Variants in TNFRSF8 observed in about 807,000 individuals in gnomAD.
The protein encoded by TNFRSF8 is TNF receptor superfamily member 8.
TNFRSF8 carries 26 observed loss-of-function variants against 70.8 expected under a neutral mutation model. The ratio of observed to expected loss-of-function variants is 0.37; its 90% confidence interval spans 0.27 to 0.51. TNFRSF8 has a LOEUF of 0.51. Among genes scored for constraint, TNFRSF8 ranks in the 20% least tolerant of loss-of-function variants. The pLI is 0.94. For synonymous variants in TNFRSF8, 356 were observed against 339.2 expected, an observed-to-expected ratio of 1.05 and a Z score of -0.54; for missense variants, 720 against 807.9, an observed-to-expected ratio of 0.89 and a Z score of 1.32.
Position 12,142,642 on chromosome 1 carries a change from C to A in TNFRSF8, c.*111C>A. 7.2e-7 allele frequency: 1 copy of A among 1,387,580 alleles called. No individual in the cohort carries two copies. The highest frequency in any genetic ancestry group is 1.4e-5 in the South Asian group (1 of 69,824). 86.0% of individuals were successfully genotyped at this position (1,387,580 alleles called of 1,614,324 possible). A position where few individuals can be genotyped will look rare whatever the true frequency, so the allele number is the denominator to read the frequency against. ...GAGGCCCATCTGGCCTGAACTGAGG[C>A]TCCAGCATCTAGTGGTGGACCGGCC... On this transcript the variant is annotated 3_prime_UTR_variant, in exon 15 of 15. Coordinates refer to ENST00000263932, the MANE Select transcript of TNFRSF8 (RefSeq NM_001243.5). The surrounding 1 kb of genome is among the most constrained non-coding windows in gnomAD (Gnocchi z 5.0).
rs553809348 is a variant in TNFRSF8 at position 12,109,383 on chromosome 1, C to T, written c.422-183C>T. ...TGAGATCAGAGGGAGAGTAATTCCC[C>T]AGGGAAAGATAGGCTGCTTTACTCT... On this transcript the variant is annotated intron_variant, in intron 4 of 14. Transcript: ENST00000263932. The surrounding 1 kb of genome is among the most constrained non-coding windows in gnomAD (Gnocchi z 4.4). Among the ~76,000 whole-genome samples, 8 of 152,272 alleles carry T rather than the reference C, an allele frequency of 5.3e-5. No homozygotes were observed. The East Asian group carries it at 1.5e-3, about 29-fold the overall frequency.
rs113246048 is a variant in TNFRSF8 at position 12,108,269 on chromosome 1, G to T, written c.422-1297G>T. ...AATTTTTTGTAATTTTAGTAGAGAT[G>T]GGGTTTCACTATGTTGTCCAGGCTG... On this transcript the variant is annotated intron_variant, in intron 4 of 14. Transcript: ENST00000263932. This position sits in a 1 kb window ranked among gnomAD's most constrained non-coding sequence, Gnocchi z 4.0. Among the ~76,000 whole-genome samples, 11,933 of 151,516 alleles carry T rather than the reference G, an allele frequency of 0.079. 488 individuals carry two copies. Among genetic ancestry groups the T allele is most frequent in the African/African-American group, 0.089 (3,675 of 41,310 alleles).
rs1408477830 is a variant in TNFRSF8 at position 12,113,615 on chromosome 1, CAGAA to C, written c.793+1605_793+1608del. On this transcript the variant is annotated intron_variant, in intron 7 of 14. Coordinates refer to ENST00000263932, the MANE Select transcript of TNFRSF8 (RefSeq NM_001243.5). This position sits in a 1 kb window ranked among gnomAD's most constrained non-coding sequence, Gnocchi z 4.9. ...AGGGAGAGAGAGAGTGAGAGAGAGACAGAAAGAGGGAGAGAGAGAGACAGAAAGA... is the reference window on the plus strand; with the variant it reads ...AGGGAGAGAGAGAGTGAGAGAGAGACAGAGGGAGAGAGAGAGACAGAAAGA... Among the ~76,000 whole-genome samples, 6 of 147,472 alleles carry C rather than the reference CAGAA, an allele frequency of 4.1e-5. No individual in the cohort carries two copies. Among genetic ancestry groups the C allele is most frequent in the East Asian group, 2.0e-4 (1 of 5,024 alleles).
At chr1:12,099,083 G>A (rs910431641) in intron 3 of TNFRSF8, among the ~76,000 whole-genome samples, 2 of 152,030 alleles carry the variant, frequency 1.3e-5, no homozygotes, top group African/African-American at 4.8e-5. Flanking sequence ...TTTCAAGAAG[G>A]GCTCGTCTTT....
intron 3 of TNFRSF8, among the ~76,000 whole-genome samples, chr1:12,103,458 A>G (rs1427717364): frequency 2.6e-5 from 4 of 151,972 alleles, no homozygotes; most frequent in African/African-American, 4.8e-5. Context: ...CCCCTTCCCA[A>G]TCTCCCACAG....
chr1:12,071,551 G>C (rs558362238), intron 1 of TNFRSF8, among the ~76,000 whole-genome samples: 1 of 152,128 alleles, frequency 6.6e-6, no homozygotes, highest in East Asian at 1.9e-4. Flanking sequence ...TGTGTTCCTT[G>C]GTCCCTGGCC....
chr1:12,128,492 C>A (rs1038438677), intron 12 of TNFRSF8, among the ~76,000 whole-genome samples: 10 of 152,208 alleles, frequency 6.6e-5, no homozygotes, highest in African/African-American at 2.4e-4. Context: ...TCCACTCCTC[C>A]GGTGGCCTGT....
chr1:12,108,371 C>T lies in TNFRSF8; in HGVS notation c.422-1195C>T, dbSNP rs890465714. Among the ~76,000 whole-genome samples, 1 of 152,054 alleles carries T rather than the reference C, an allele frequency of 6.6e-6. No individual in the cohort carries two copies. Among genetic ancestry groups the T allele is most frequent in the African/African-American group, 2.4e-5 (1 of 41,400 alleles). On this transcript the variant is annotated intron_variant, in intron 4 of 14. Coordinates refer to ENST00000263932, the MANE Select transcript of TNFRSF8 (RefSeq NM_001243.5). The surrounding 1 kb of genome is among the most constrained non-coding windows in gnomAD (Gnocchi z 4.0). Reference sequence around the variant, plus strand: ...GGGATTACAGGTGTGAGCCACCGTGCCTGGCGACATACGGGTCACCTTCTA... The same window carrying T: ...GGGATTACAGGTGTGAGCCACCGTGTCTGGCGACATACGGGTCACCTTCTA...
chr1:12,086,442 G>A (rs1031234311), intron 2 of TNFRSF8, among the ~76,000 whole-genome samples: 1 of 151,670 alleles, frequency 6.6e-6, no homozygotes, highest in African/African-American at 2.4e-5. Flanking sequence ...TCACTGGTCG[G>A]CCATCCACCC....
chr1:12,071,625 G>C (rs901167021), intron 1 of TNFRSF8, among the ~76,000 whole-genome samples: 1 of 150,532 alleles, frequency 6.6e-6, no homozygotes, highest in Non-Finnish European at 1.5e-5. Flanking sequence ...TTTTGAGCTC[G>C]ATCTCTCGGC....
intron 2 of TNFRSF8, among the ~76,000 whole-genome samples, chr1:12,092,319 A>T (rs916724416): frequency 6.6e-6 from 1 of 151,774 alleles, no homozygotes; most frequent in Non-Finnish European, 1.5e-5. Flanking sequence ...AGCTAGGAGT[A>T]CAATGTGACA....
rs1346938370 is a variant in TNFRSF8 at position 12,109,349 on chromosome 1, C to G, written c.422-217C>G. Reference sequence around the variant, plus strand: ...GGTTCAGTCGGTCCCAACCCCTAACCACAGATGCTGAGATCAGAGGGAGAG... The same window carrying G: ...GGTTCAGTCGGTCCCAACCCCTAACGACAGATGCTGAGATCAGAGGGAGAG... On this transcript the variant is annotated intron_variant, in intron 4 of 14. Transcript: ENST00000263932. The surrounding 1 kb of genome is among the most constrained non-coding windows in gnomAD (Gnocchi z 4.4). 6.6e-6 allele frequency among the ~76,000 whole-genome samples: 1 copy of G among 152,166 alleles called. No individual in the cohort carries two copies. The highest frequency in any genetic ancestry group is 1.5e-5 in the Non-Finnish European group (1 of 68,028).
At chr1:12,121,994 A>T (rs572338076) in intron 8 of TNFRSF8, among the ~76,000 whole-genome samples, 1 of 152,300 alleles carries the variant, frequency 6.6e-6, no homozygotes, top group Non-Finnish European at 1.5e-5. Context: ...GTCGACATGA[A>T]ATTCTGGAAC....
At chr1:12,137,327 A>AATAATC (rs1553159509) in intron 13 of TNFRSF8, among the ~76,000 whole-genome samples, 1 of 151,608 alleles carries the variant, frequency 6.6e-6, no homozygotes, top group Non-Finnish European at 1.5e-5. Context: ...TAATAATAAT[A>AATAATC]ATAATGGCAA....
chr1:12,109,953 C>T lies in TNFRSF8; in HGVS notation c.513-88C>T. The T allele has an allele frequency of 6.7e-7, 1 of 1,489,944 alleles. No homozygotes were observed. Among genetic ancestry groups the T allele is most frequent in the South Asian group, 1.3e-5 (1 of 78,524 alleles). 92.3% of individuals were successfully genotyped at this position (1,489,944 alleles called of 1,614,324 possible). Reference sequence around the variant, plus strand: ...GCAGTGGGCCAAGGGCCTGGGACCCCATCTCTGTGGAAACTGTTACTCGTG... The same window carrying T: ...GCAGTGGGCCAAGGGCCTGGGACCCTATCTCTGTGGAAACTGTTACTCGTG... On this transcript the variant is annotated intron_variant, in intron 5 of 14. Transcript: ENST00000263932. This position sits in a 1 kb window ranked among gnomAD's most constrained non-coding sequence, Gnocchi z 4.4.
intron 8 of TNFRSF8, among the ~76,000 whole-genome samples, chr1:12,120,705 T>C (rs768831770): frequency 3.3e-5 from 5 of 152,188 alleles, no homozygotes; most frequent in Non-Finnish European, 5.9e-5. Context: ...GCAGGTTCTT[T>C]TCTTCTCTTC....
intron 2 of TNFRSF8, 71 bp from the exon 3 acceptor site, chr1:12,097,030 G>T: frequency 8.6e-7 from 1 of 1,159,270 alleles, no homozygotes; most frequent in Non-Finnish European, 1.3e-6. Flanking sequence ...GGGATGAGAG[G>T]TGTGGGGCAT....
At chr1:12,090,867 T>C (rs1300384025) in intron 2 of TNFRSF8, among the ~76,000 whole-genome samples, 1 of 152,168 alleles carries the variant, frequency 6.6e-6, no homozygotes, top group Non-Finnish European at 1.5e-5. Flanking sequence ...CCAATTCCTA[T>C]GTTGAAGTCT....
At chr1:12,098,377 G>A (rs1052366389) in intron 3 of TNFRSF8, among the ~76,000 whole-genome samples, 1 of 152,090 alleles carries the variant, frequency 6.6e-6, no homozygotes, top group Admixed American at 6.6e-5. Context: ...AATACAAAGA[G>A]TGTAAGGAAG....
Sources: allele counts gnomAD v4.1 joint callset (sites outside exome capture counted in the v4.1 genomes callset), GRCh38; gene constraint gnomAD v4.1.1; non-coding constraint Gnocchi (gnomAD v3.1); transcripts MANE v1.5; gene names NCBI Gene and HGNC (gene_info 2026-07-23, HGNC 2026-07-21).